PTPRG: variants seen among roughly 807,000 people sequenced by gnomAD.
The protein encoded by PTPRG is receptor-type tyrosine-protein phosphatase gamma.
Under a neutral mutation model 165.3 loss-of-function variants are expected in PTPRG, and 102 were observed. The ratio of observed to expected loss-of-function variants is 0.62; its 90% CI spans 0.53 to 0.73. The LOEUF is 0.73. Ranked by LOEUF, PTPRG falls within the 30% of genes least tolerant of loss-of-function variation. PTPRG has a pLI of 0.00. For missense variants in PTPRG, 1,866 were observed against 1,861.4 expected, an observed-to-expected ratio of 1.00 and a Z score of -0.05; for synonymous variants, 675 against 669.5, an observed-to-expected ratio of 1.01 and a Z score of -0.13.
chr3:62,073,443 C>A (rs2106735926), intron 4 of PTPRG, among the ~76,000 whole-genome samples: 1 of 152,262 alleles, frequency 6.6e-6, no homozygotes, highest in South Asian at 2.1e-4. Context: ...GATAAACCCG[C>A]ATAAATGTGC....
chr3:62,184,174 C>T (rs1006005595), intron 8 of PTPRG, among the ~76,000 whole-genome samples: 4 of 152,138 alleles, frequency 2.6e-5, no homozygotes, highest in African/African-American at 9.7e-5. Flanking sequence ...GGGGATGATC[C>T]GAGAGGAATG....
chr3:61,618,605 C>T (rs1019163298), intron 1 of PTPRG, among the ~76,000 whole-genome samples: 8 of 152,082 alleles, frequency 5.3e-5, no homozygotes, highest in African/African-American at 1.9e-4. Flanking sequence ...GGGAAAAAAA[C>T]GGTAACCTCT....
chr3:61,849,166 G>A (rs1464242070), intron 2 of PTPRG, among the ~76,000 whole-genome samples: 1 of 152,052 alleles, frequency 6.6e-6, no homozygotes, highest in Non-Finnish European at 1.5e-5. Flanking sequence ...AGACTTCTGT[G>A]GAGTCATTTT....
chr3:61,826,520 T>TA (rs35348448), intron 2 of PTPRG, among the ~76,000 whole-genome samples: 7,349 of 147,358 alleles, frequency 0.05, 280 homozygotes, highest in East Asian at 0.21. Context: ...TTCCAGAACT[T>TA]AAAAAAAAAA....
At position 62,108,046 on chromosome 3, in the gene PTPRG, C is replaced by CT. The variant is rs35573206; in HGVS notation, c.616-24544dup. ...ACCCTGGAAACATTTCTCTCTCGCT[C>CT]TTTTTTTTTTTTATTATTATTAAAG... On this transcript the variant is annotated intron_variant, in intron 5 of 29. Transcript: ENST00000474889. Among the ~76,000 whole-genome samples, 498 of 145,900 alleles carry CT rather than the reference C, an allele frequency of 3.4e-3. 5 individuals are homozygous for CT. The highest frequency in any genetic ancestry group is 0.031 in the East Asian group (157 of 5,032).
intron 2 of PTPRG, among the ~76,000 whole-genome samples, chr3:61,752,784 T>A (rs2033482548): frequency 6.8e-4 from 1 of 1,462 alleles, no homozygotes; most frequent in Non-Finnish European, 2.1e-3. Context: ...CAAGACTGTC[T>A]CAAAAAAAAA....
At chr3:62,134,066 T>TA (rs1703616646) in intron 6 of PTPRG, among the ~76,000 whole-genome samples, 1 of 152,186 alleles carries the variant, frequency 6.6e-6, no homozygotes, top group East Asian at 1.9e-4. Flanking sequence ...TCAGGGCTCT[T>TA]ACCTCCCAAA....
intron 1 of PTPRG, among the ~76,000 whole-genome samples, chr3:61,730,324 C>T (rs993353270): frequency 6.6e-6 from 1 of 152,210 alleles, no homozygotes; most frequent in African/African-American, 2.4e-5. Flanking sequence ...GTCCTGTGAC[C>T]TTCAAAACCC....
rs1333479124 is a variant in PTPRG, at chr3:61,575,740, C to G, written c.85+13368C>G. Among the ~76,000 whole-genome samples the G allele has an allele frequency of 2.0e-5, 3 of 151,676 alleles. No homozygotes were observed. In the East Asian group the frequency reaches 5.8e-4, roughly 29 times the overall value. ...TCAGCCTCCTGAGTAGCTGGAATTACAGGCGCATGCCACCACGCCCGGCTA... is the reference window on the plus strand; with the variant it reads ...TCAGCCTCCTGAGTAGCTGGAATTAGAGGCGCATGCCACCACGCCCGGCTA... On this transcript the variant is annotated intron_variant, in intron 1 of 29. Transcript: ENST00000474889.
chr3:61,652,986 G>C (rs140893441), intron 1 of PTPRG, among the ~76,000 whole-genome samples: 1 of 152,188 alleles, frequency 6.6e-6, no homozygotes, highest in African/African-American at 2.4e-5. Flanking sequence ...ACAACCACCA[G>C]ATATCATGGG....
At chr3:61,880,788 G>A (rs981400051) in intron 2 of PTPRG, among the ~76,000 whole-genome samples, 1 of 152,106 alleles carries the variant, frequency 6.6e-6, no homozygotes, top group Non-Finnish European at 1.5e-5. Context: ...TGATTAGGTT[G>A]TAAATATTTG....
chr3:62,086,230 T>C (rs1242941683), intron 5 of PTPRG, among the ~76,000 whole-genome samples: 1 of 152,062 alleles, frequency 6.6e-6, no homozygotes, highest in Admixed American at 6.5e-5. Flanking sequence ...AAAAGAGTCT[T>C]TTTCTTTTTT....
chr3:61,563,550 G>A (rs1346225959), intron 1 of PTPRG, among the ~76,000 whole-genome samples: 4 of 152,314 alleles, frequency 2.6e-5, no homozygotes, highest in East Asian at 1.9e-4. Context: ...GGAAGAAGGG[G>A]TGATTTGCTT....
intron 14 of PTPRG, among the ~76,000 whole-genome samples, chr3:62,243,366 T>C (rs554506487): frequency 1.1e-4 from 17 of 152,246 alleles, no homozygotes; most frequent in African/African-American, 3.4e-4. Context: ...GTGGTGCTAT[T>C]GTGTACTTGG....
chr3:62,191,432 C>G (rs771208953), intron 8 of PTPRG, 37 bp from the exon 9 acceptor site: 16 of 1,598,738 alleles, frequency 1.0e-5, no homozygotes, highest in African/African-American at 1.3e-5. Flanking sequence ...GCGCATTGTT[C>G]TGAAAGCTCC....
At chr3:61,581,851 C>T (rs1276092532) in intron 1 of PTPRG, among the ~76,000 whole-genome samples, 7 of 152,156 alleles carry the variant, frequency 4.6e-5, no homozygotes, top group African/African-American at 1.4e-4. Context: ...CTTAAGTGAT[C>T]TGCTCACCTC....
chr3:61,880,858 G>T lies in PTPRG; in HGVS notation c.191-108767G>T, dbSNP rs181415898. ...GAGTAGTAACCAGTAGTGGGAGTTG[G>T]AGTCATAGAGTATTGGGTCTCTTTA... is the stretch of plus-strand genomic sequence containing the variant. On this transcript the variant is annotated intron_variant, in intron 2 of 29. Coordinates refer to ENST00000474889, the MANE Select transcript of PTPRG (RefSeq NM_002841.4). 8.5e-5 allele frequency among the ~76,000 whole-genome samples: 13 copies of T among 152,104 alleles called. No individual in the cohort carries two copies. The East Asian group carries it at 2.5e-3, about 29-fold the overall frequency.
intron 2 of PTPRG, among the ~76,000 whole-genome samples, chr3:61,985,786 A>G (rs1174725054): frequency 6.6e-6 from 1 of 152,220 alleles, no homozygotes; most frequent in East Asian, 1.9e-4. Flanking sequence ...TTTAAAAATG[A>G]TGATGCTTCG....
intron 5 of PTPRG, chr3:62,118,184 A>AG (rs1284991123): frequency 6.6e-6 from 1 of 152,246 alleles, no homozygotes; most frequent in Admixed American, 6.5e-5. Context: ...TTTTCTATAA[A>AG]GGGCCAAAGG....
Sources: allele counts gnomAD v4.1 joint callset (sites outside exome capture counted in the v4.1 genomes callset), GRCh38; gene constraint gnomAD v4.1.1; transcripts MANE v1.5; gene names NCBI Gene and HGNC (gene_info 2026-07-23, HGNC 2026-07-21).